The following FLRT1 variants were observed in gnomAD, a reference collection of about 807,000 sequenced individuals.
The protein encoded by FLRT1 is leucine-rich repeat transmembrane protein FLRT1.
FLRT1 carries 14 observed loss-of-function variants against 30.9 expected under a neutral mutation model. The observed-to-expected ratio is 0.45, with a 90% confidence interval of 0.30 to 0.71. FLRT1 has a LOEUF of 0.71. Ranked by LOEUF, FLRT1 falls within the 30% of genes least tolerant of loss-of-function variation. The pLI, the probability that FLRT1 is intolerant of heterozygous loss-of-function variation, is 0.08. For synonymous variants in FLRT1, 368 were observed against 430.4 expected, an observed-to-expected ratio of 0.85 and a Z score of 1.80; for missense variants, 737 against 949.2, an observed-to-expected ratio of 0.78 and a Z score of 2.94.
rs1051385540 is a variant in FLRT1, at chr11:64,103,615, A to C, written c.-616A>C. On this transcript the variant is annotated 5_prime_UTR_variant, in exon 2 of 3. Coordinates refer to ENST00000682287, the MANE Select transcript of FLRT1 (RefSeq NM_013280.5). ...AAAAAAAAAGCCTTGGTAAACAAAA[A>C]GGGGGTAAAAGCCACGCAGAGGCCC... 2.6e-5 allele frequency: 4 copies of C among 151,890 alleles called. No homozygotes were observed. Among genetic ancestry groups the C allele is most frequent in the African/African-American group, 9.7e-5 (4 of 41,372 alleles). The allele number at this position is 151,890 out of a possible 1,614,324, so 9.4% of individuals were successfully genotyped here. A position where few individuals can be genotyped will look rare whatever the true frequency, so the allele number is the denominator to read the frequency against.
At chr11:64,114,508 A>AATGG (rs1262899663) in intron 2 of FLRT1, among the ~76,000 whole-genome samples, 2 of 105,030 alleles carry the variant, frequency 1.9e-5, no homozygotes, top group East Asian at 3.4e-4. Context: ...TGGATGGATG[A>AATGG]ATGGATGGAT....
Position 64,104,429 on chromosome 11 carries a change from T to TTTACCCAGCAGCTGGACC in FLRT1, c.-50+248_-50+249insTTACCCAGCAGCTGGACC, listed in dbSNP as rs768489486. On this transcript the variant is annotated intron_variant, in intron 2 of 2. Transcript: ENST00000682287. ...CCTGGTGGTCCCCGTGCTGCTGGGC[T>TTTACCCAGCAGCTGGACC]CTACCCAGCAGCTGGACCCAGGATG... Among the ~76,000 whole-genome samples the TTTACCCAGCAGCTGGACC allele has an allele frequency of 2.1e-3, 322 of 152,144 alleles. 2 individuals carry two copies. Among genetic ancestry groups the TTTACCCAGCAGCTGGACC allele is most frequent in the Middle Eastern group, 3.4e-3 (1 of 294 alleles).
intron 2 of FLRT1, among the ~76,000 whole-genome samples, chr11:64,114,804 G>A (rs1334513704): frequency 6.6e-6 from 1 of 152,166 alleles, no homozygotes; most frequent in African/African-American, 2.4e-5. Flanking sequence ...GTAGGTGGGT[G>A]GACAGATGGA....
chr11:64,118,112 CGGCCCT>C lies in FLRT1; in HGVS notation c.1848_1853del (p.Pro617_Gly618del). 6.2e-7 allele frequency: 1 copy of C among 1,611,370 alleles called. No homozygotes were observed. Reference sequence around the variant, plus strand: ...AGGATAACTCCATCCTGGAAATCCGCGGCCCTGGGCTGCAGATGCTGCCCATCAACC... The same window carrying C: ...AGGATAACTCCATCCTGGAAATCCGCGGGCTGCAGATGCTGCCCATCAACC... On this transcript the variant is annotated inframe_deletion, in exon 3 of 3. Coordinates refer to ENST00000682287, the MANE Select transcript of FLRT1 (RefSeq NM_013280.5).
chr11:64,042,628 C>A (rs1057458711), intron 1 of FLRT1, among the ~76,000 whole-genome samples: 3 of 152,116 alleles, frequency 2.0e-5, no homozygotes, highest in African/African-American at 7.2e-5. Flanking sequence ...CCCTTCCCTG[C>A]CTCACTGGGG....
intron 1 of FLRT1, among the ~76,000 whole-genome samples, chr11:64,054,173 C>T (rs1282051380): frequency 2.0e-5 from 3 of 152,258 alleles, no homozygotes; most frequent in East Asian, 1.9e-4. Flanking sequence ...GGCAGGGAAG[C>T]GGAAAGGAGG....
chr11:64,085,638 CTGTG>C (rs1471360512), intron 1 of FLRT1, among the ~76,000 whole-genome samples: 1 of 152,234 alleles, frequency 6.6e-6, no homozygotes, highest in Non-Finnish European at 1.5e-5. Flanking sequence ...CCCCACATGG[CTGTG>C]GGGAGGCTGG....
intron 2 of FLRT1, among the ~76,000 whole-genome samples, chr11:64,111,214 G>A (rs1240619576): frequency 6.6e-6 from 1 of 152,242 alleles, no homozygotes; most frequent in African/African-American, 2.4e-5. Context: ...TAACAAGTTT[G>A]CCCCCTACTT....
intron 1 of FLRT1, among the ~76,000 whole-genome samples, chr11:64,060,259 C>T (rs1943874016): frequency 6.6e-6 from 1 of 152,224 alleles, no homozygotes; most frequent in Non-Finnish European, 1.5e-5. Flanking sequence ...CCCAGGAGGC[C>T]CCAGAGCTCC....
rs929823875 is a variant in FLRT1, at chr11:64,096,030, G to A, written c.-1037-7164G>A. Among the ~76,000 whole-genome samples the A allele has an allele frequency of 3.3e-5, 5 of 152,220 alleles. No homozygotes were observed. The highest frequency in any genetic ancestry group is 7.3e-5 in the Non-Finnish European group (5 of 68,040). ...GATATGTCGCGCTGCAGCCAGCACA[G>A]TGCTGCTTCAAACTGCCACTTGAGA... On this transcript the variant is annotated intron_variant, in intron 1 of 2. Coordinates refer to ENST00000682287, the MANE Select transcript of FLRT1 (RefSeq NM_013280.5). The surrounding 1 kb of genome is among the most constrained non-coding windows in gnomAD (Gnocchi z 4.6).
chr11:64,064,427 C>T lies in FLRT1; in HGVS notation c.-1038+28268C>T, dbSNP rs944793658. Among the ~76,000 whole-genome samples, 2 of 152,166 alleles carry T rather than the reference C, an allele frequency of 1.3e-5. No individual in the cohort carries two copies. Among genetic ancestry groups the T allele is most frequent in the African/African-American group, 4.8e-5 (2 of 41,436 alleles). On this transcript the variant is annotated intron_variant, in intron 1 of 2. Transcript: ENST00000682287. The surrounding 1 kb of genome is among the most constrained non-coding windows in gnomAD (Gnocchi z 4.5). ...GGCCAGTGCCGGGACTCCAGCTCCTCTGGGCACTGGGCAGGCAATCTCTGT... is the reference window on the plus strand; with the variant it reads ...GGCCAGTGCCGGGACTCCAGCTCCTTTGGGCACTGGGCAGGCAATCTCTGT...
At chr11:64,062,799 A>G (rs1248711870) in intron 1 of FLRT1, among the ~76,000 whole-genome samples, 1 of 152,130 alleles carries the variant, frequency 6.6e-6, no homozygotes, top group Non-Finnish European at 1.5e-5. Flanking sequence ...TGGCTTTATC[A>G]GGTGCCTGCC....
intron 1 of FLRT1, among the ~76,000 whole-genome samples, chr11:64,085,545 C>A (rs1944378668): frequency 6.6e-6 from 1 of 152,208 alleles, no homozygotes; most frequent in African/African-American, 2.4e-5. Flanking sequence ...CATAAATCTT[C>A]CACTAAGTAC....
chr11:64,118,233 G>C lies in FLRT1; in HGVS notation c.1966G>C (p.Gly656Arg), dbSNP rs765128867. ...CAAGGCCACACACACCATTGGCTAC[G>C]GCACCACGCGGGGCTACCGGGACGG... is the stretch of plus-strand genomic sequence containing the variant. ...LCKATHTIGY[G>R]TTRGYRDGGI... is the part of the protein sequence containing the mutation. The change falls in exon 3 of 3, where the codon GGC becomes CGC. Residue 656 changes from glycine to arginine, a missense_variant. Coordinates refer to ENST00000682287, the MANE Select transcript of FLRT1 (RefSeq NM_013280.5). 1.2e-6 allele frequency: 2 copies of C among 1,610,518 alleles called. No individual in the cohort carries two copies. The highest frequency in any genetic ancestry group is 1.7e-6 in the Non-Finnish European group (2 of 1,177,882).
intron 1 of FLRT1, among the ~76,000 whole-genome samples, chr11:64,078,484 G>T (rs917560326): frequency 6.6e-6 from 1 of 152,222 alleles, no homozygotes; most frequent in African/African-American, 2.4e-5. Flanking sequence ...GGCTAATCTG[G>T]TTATTCCACC....
At chr11:64,043,078 C>T (rs530025940) in intron 1 of FLRT1, among the ~76,000 whole-genome samples, 1 of 152,302 alleles carries the variant, frequency 6.6e-6, no homozygotes, top group South Asian at 2.1e-4. Context: ...CATCTGAGTA[C>T]CCTGGACGCC....
At position 64,118,246 on chromosome 11, in the gene FLRT1, G is replaced by A. The variant is rs1373510856; in HGVS notation, c.1979G>A (p.Gly660Asp). ...ACCATTGGCTACGGCACCACGCGGG[G>A]CTACCGGGACGGCGGCATCCCCGAC... ...THTIGYGTTR[G>D]YRDGGIPDID... Residue 660 changes from glycine to aspartate, a missense_variant, in exon 3 of 3, where the codon GGC becomes GAC. Transcript: ENST00000682287. 1 of 1,605,208 alleles carries A rather than the reference G, an allele frequency of 6.2e-7. No homozygotes were observed. The highest frequency in any genetic ancestry group is 2.2e-5 in the East Asian group (1 of 44,694).
intron 1 of FLRT1, among the ~76,000 whole-genome samples, chr11:64,086,248 G>A (rs993188279): frequency 2.0e-5 from 3 of 151,584 alleles, no homozygotes; most frequent in Admixed American, 1.3e-4. Context: ...TCTTGCATTC[G>A]GGGCCAGAGG....
intron 1 of FLRT1, among the ~76,000 whole-genome samples, chr11:64,097,642 G>T (rs1221404373): frequency 6.6e-6 from 1 of 152,258 alleles, no homozygotes; most frequent in African/African-American, 2.4e-5. Context: ...CAGAGCGGAG[G>T]CTGGGAGGGT....
Sources: allele counts gnomAD v4.1 joint callset (sites outside exome capture counted in the v4.1 genomes callset), GRCh38; gene constraint gnomAD v4.1.1; non-coding constraint Gnocchi (gnomAD v3.1); transcripts MANE v1.5; gene names NCBI Gene and HGNC (gene_info 2026-07-23, HGNC 2026-07-21).